SEC22A: variants seen among roughly 807,000 people sequenced by gnomAD.
The protein encoded by SEC22A is SEC22 homolog A, vesicle trafficking protein.
SEC22A carries 22 observed loss-of-function variants against 35.3 expected under a neutral mutation model. The ratio of observed to expected loss-of-function variants is 0.62; its 90% CI spans 0.45 to 0.89. The LOEUF (loss-of-function observed/expected upper bound fraction) is 0.89. SEC22A is among the 40% of genes least tolerant of loss of function. The pLI is 0.00. For missense variants in SEC22A, 354 were observed against 362.5 expected, an observed-to-expected ratio of 0.98 and a Z score of 0.19; for synonymous variants, 119 against 129.5, an observed-to-expected ratio of 0.92 and a Z score of 0.55.
intron 2 of SEC22A, among the ~76,000 whole-genome samples, chr3:123,220,406 GA>G (rs1443799823): frequency 2.0e-5 from 3 of 152,182 alleles, no homozygotes; most frequent in East Asian, 1.9e-4. Context: ...TGACAGTGAA[GA>G]TTTTTTTTGG....
chr3:123,232,834 A>G (rs1937345868), intron 4 of SEC22A, among the ~76,000 whole-genome samples: 1 of 152,094 alleles, frequency 6.6e-6, no homozygotes, highest in Non-Finnish European at 1.5e-5. Flanking sequence ...CAATCCAGCA[A>G]CGTATTTAAA....
chr3:123,252,137 T>C (rs1937621848), intron 5 of SEC22A, among the ~76,000 whole-genome samples: 1 of 152,220 alleles, frequency 6.6e-6, no homozygotes, highest in Non-Finnish European at 1.5e-5. Context: ...AATTTTCCCT[T>C]ATTGAAGTTT....
chr3:123,258,405 AAAAG>A (rs1426086748), intron 5 of SEC22A, among the ~76,000 whole-genome samples: 1 of 152,174 alleles, frequency 6.6e-6, no homozygotes, highest in Non-Finnish European at 1.5e-5. Context: ...ATCAGAAAAA[AAAAG>A]GTCATTTAAA....
intron 2 of SEC22A, among the ~76,000 whole-genome samples, chr3:123,212,861 T>A (rs998550547): frequency 6.6e-6 from 1 of 152,146 alleles, no homozygotes; most frequent in African/African-American, 2.4e-5. Context: ...GTTGCAGATA[T>A]TACCGTTGAG....
chr3:123,223,425 A>G (rs1937164568), intron 2 of SEC22A, 134 bp from the exon 3 acceptor site: 4 of 663,832 alleles, frequency 6.0e-6, no homozygotes, highest in South Asian at 2.4e-5. Context: ...ATTTTTTCCT[A>G]GAATATATAA....
intron 6 of SEC22A, among the ~76,000 whole-genome samples, chr3:123,266,924 A>G (rs777957380): frequency 6.6e-6 from 1 of 152,024 alleles, no homozygotes; most frequent in Non-Finnish European, 1.5e-5. Flanking sequence ...TATATTTTGT[A>G]GCTATGTTGT....
At chr3:123,258,696 TGG>T (rs1165658689) in intron 5 of SEC22A, among the ~76,000 whole-genome samples, 1 of 151,598 alleles carries the variant, frequency 6.6e-6, no homozygotes, top group Non-Finnish European at 1.5e-5. Flanking sequence ...CTGTGTCTTG[TGG>T]AAATTATCAT....
At chr3:123,204,952 A>G (rs1936826559) in intron 1 of SEC22A, 1 of 152,234 alleles carries the variant, frequency 6.6e-6, no homozygotes, top group South Asian at 2.1e-4. Flanking sequence ...TTTCCCAACC[A>G]CAACCCTCCT....
intron 4 of SEC22A, among the ~76,000 whole-genome samples, chr3:123,237,709 G>A (rs1165102690): frequency 6.6e-6 from 1 of 152,158 alleles, no homozygotes. Context: ...GGTCCAACTT[G>A]ACTTACCAGG....
chr3:123,215,522 C>T (rs1259335074), intron 2 of SEC22A, among the ~76,000 whole-genome samples: 1 of 152,120 alleles, frequency 6.6e-6, no homozygotes, highest in Non-Finnish European at 1.5e-5. Context: ...CAAAGCCATA[C>T]AGAATGGCGC....
Position 123,260,867 on chromosome 3 carries a change from G to A in SEC22A, c.723+1278G>A, listed in dbSNP as rs190964484. Among the ~76,000 whole-genome samples, 303 of 138,468 alleles carry A rather than the reference G, an allele frequency of 2.2e-3. 8 individuals are homozygous for A. The highest frequency in any genetic ancestry group is 0.021 in the Admixed American group (280 of 13,098). The allele number at this position is 138,468 out of a possible 152,430, so 90.8% of individuals were successfully genotyped here. ...TTTTTTTTTTTTTTGACGGAGTCTC[G>A]CTCTGTCGCCCAGGCTGGAGTGCAG... On this transcript the variant is annotated intron_variant, in intron 6 of 6. Transcript: ENST00000492595.
chr3:123,256,026 C>A (rs900108713), intron 5 of SEC22A, among the ~76,000 whole-genome samples: 3 of 151,148 alleles, frequency 2.0e-5, no homozygotes, highest in Non-Finnish European at 4.4e-5. Flanking sequence ...CTAAGATATT[C>A]TTTTACGTAA....
chr3:123,253,550 A>G (rs1193440410), intron 5 of SEC22A, among the ~76,000 whole-genome samples: 2 of 138,840 alleles, frequency 1.4e-5, no homozygotes, highest in Non-Finnish European at 3.2e-5. Context: ...CATCTCTACT[A>G]AAAATACAAA....
chr3:123,217,229 G>A (rs1005966671), intron 2 of SEC22A, among the ~76,000 whole-genome samples: 55 of 150,492 alleles, frequency 3.7e-4, no homozygotes, highest in Non-Finnish European at 6.3e-4. Flanking sequence ...ATGGAGTCTC[G>A]CTCTGTCGCC....
At chr3:123,252,286 G>T (rs1272835599) in intron 5 of SEC22A, among the ~76,000 whole-genome samples, 1 of 152,070 alleles carries the variant, frequency 6.6e-6, no homozygotes, top group Non-Finnish European at 1.5e-5. Flanking sequence ...CGTCACTCTG[G>T]ATAATTTTTG....
At chr3:123,203,109 A>T (rs2034880303) in intron 1 of SEC22A, among the ~76,000 whole-genome samples, 1 of 113,640 alleles carries the variant, frequency 8.8e-6, no homozygotes, top group African/African-American at 3.5e-5. Context: ...GTTAAAATCG[A>T]AGTATATCTT....
intron 5 of SEC22A, among the ~76,000 whole-genome samples, chr3:123,247,034 A>G: frequency 6.6e-6 from 1 of 152,172 alleles, no homozygotes; most frequent in Non-Finnish European, 1.5e-5. Flanking sequence ...CCCTCAGGTT[A>G]AAGCTCGTCT....
chr3:123,230,698 G>GAAAAA (rs1559756237), intron 4 of SEC22A, among the ~76,000 whole-genome samples: 1 of 52,830 alleles, frequency 1.9e-5, no homozygotes, highest in African/African-American at 1.1e-4. Context: ...TTCACTTCAT[G>GAAAAA]CAAAAAAAAA....
intron 4 of SEC22A, among the ~76,000 whole-genome samples, chr3:123,236,583 T>A (rs1384395068): frequency 6.6e-6 from 1 of 152,130 alleles, no homozygotes; most frequent in African/African-American, 2.4e-5. Flanking sequence ...TGGGTGAACT[T>A]AGTTTTGAAT....
Sources: allele counts gnomAD v4.1 joint callset (sites outside exome capture counted in the v4.1 genomes callset), GRCh38; gene constraint gnomAD v4.1.1; transcripts MANE v1.5; gene names NCBI Gene and HGNC (gene_info 2026-07-23, HGNC 2026-07-21).